Variants in TMEM143 observed in about 807,000 individuals in gnomAD.
TMEM143 encodes the protein transmembrane protein 143.
Under a neutral mutation model 40.3 loss-of-function variants are expected in TMEM143, and 45 were observed. The observed-to-expected ratio is 1.12, with a 90% CI of 0.88 to 1.43. The LOEUF is 1.43. Ranked by LOEUF, TMEM143 falls within the 40% of genes most tolerant of loss-of-function variation. TMEM143 has a pLI of 0.00. For missense variants in TMEM143, 620 were observed against 613.4 expected (o/e 1.01, Z -0.11); for synonymous variants, 299 against 282.7 (o/e 1.06, Z -0.58).
chr19:48,358,832 C>T (rs987235280), intron 3 of TMEM143, among the ~76,000 whole-genome samples: 1 of 152,186 alleles, frequency 6.6e-6, no homozygotes, highest in African/African-American at 2.4e-5. Flanking sequence ...CATCTCTCCT[C>T]AGCTCAGAGC....
chr19:48,343,779 T>C (rs564756793), intron 4 of TMEM143, among the ~76,000 whole-genome samples: 74 of 152,266 alleles, frequency 4.9e-4, no homozygotes, highest in African/African-American at 1.7e-3. Context: ...CACCTGTAAA[T>C]TACATCCCAA....
chr19:48,337,719 G>C (rs1969402793), intron 6 of TMEM143, among the ~76,000 whole-genome samples: 1 of 152,088 alleles, frequency 6.6e-6, no homozygotes, highest in Non-Finnish European at 1.5e-5. Context: ...GCGCACCCCA[G>C]AAAATCGCTG....
intron 3 of TMEM143, among the ~76,000 whole-genome samples, chr19:48,355,388 TG>T (rs1264759892): frequency 6.6e-6 from 1 of 152,118 alleles, no homozygotes; most frequent in Non-Finnish European, 1.5e-5. Context: ...AGGCCATAGG[TG>T]CCCTGTGGAA....
chr19:48,340,687 C>T (rs73047586), intron 6 of TMEM143, among the ~76,000 whole-genome samples: 35,849 of 152,004 alleles, frequency 0.24, 4,508 homozygotes, highest in Non-Finnish European at 0.29. Context: ...CCAGAGGCAC[C>T]GGGCCTCCCT....
At chr19:48,351,082 C>T (rs2147375963) in intron 3 of TMEM143, among the ~76,000 whole-genome samples, 1 of 152,194 alleles carries the variant, frequency 6.6e-6, no homozygotes, top group Non-Finnish European at 1.5e-5. Context: ...CTCGCTTGAG[C>T]TCCAGATTCA....
intron 2 of TMEM143, 138 bp downstream of exon 2, chr19:48,363,153 A>G: frequency 8.1e-7 from 1 of 1,229,288 alleles, no homozygotes; most frequent in Middle Eastern, 2.9e-4. Context: ...CCCGCCCACT[A>G]GGGAAACACG....
intron 2 of TMEM143, chr19:48,360,631 C>T (rs1970020333): frequency 6.3e-6 from 1 of 158,358 alleles, no homozygotes; most frequent in African/African-American, 2.5e-5. Context: ...ACCAATTTTA[C>T]TGAAACTGAG....
chr19:48,363,589 C>A, intron 1 of TMEM143, 58 bp from the exon 2 acceptor site: 1 of 1,538,578 alleles, frequency 6.5e-7, no homozygotes, highest in Non-Finnish European at 8.7e-7. Flanking sequence ...GCGCCCTCTC[C>A]ACCTCCACGT....
At chr19:48,337,500 T>C (rs1004937606) in intron 6 of TMEM143, among the ~76,000 whole-genome samples, 1 of 151,534 alleles carries the variant, frequency 6.6e-6, no homozygotes, top group African/African-American at 2.4e-5. Flanking sequence ...TGAGCTGAGG[T>C]TGCACCACTG....
chr19:48,334,466 C>CT (rs752231417), intron 6 of TMEM143, among the ~76,000 whole-genome samples: 1 of 44,844 alleles, frequency 2.2e-5, no homozygotes, highest in African/African-American at 7.1e-5. Flanking sequence ...TTCTTTCTTT[C>CT]TTTCTTTCTT....
chr19:48,356,314 G>C (rs770246140), intron 3 of TMEM143, among the ~76,000 whole-genome samples: 11 of 151,494 alleles, frequency 7.3e-5, no homozygotes, highest in Non-Finnish European at 1.5e-4. Context: ...TTTTAGTAGA[G>C]ACAGGGTTTC....
At chr19:48,348,839 C>A (rs925386034) in intron 3 of TMEM143, among the ~76,000 whole-genome samples, 2 of 152,168 alleles carry the variant, frequency 1.3e-5, no homozygotes, top group Non-Finnish European at 2.9e-5. Flanking sequence ...TGCAAGGCCT[C>A]ACAGGACCGT....
chr19:48,360,352 T>C (rs1970010939), intron 2 of TMEM143, 176 bp from the exon 3 acceptor site: 1 of 586,474 alleles, frequency 1.7e-6, no homozygotes, highest in Non-Finnish European at 3.0e-6. Context: ...GCCGAGGCAG[T>C]GGATCACTTG....
rs1197658307 is a variant in TMEM143 at position 48,332,471 on chromosome 19, T to C, written c.*748A>G. The stretch of plus-strand genomic sequence containing the variant: ...GAGATCCAGACCGAGGTAGTTTCTG[T>C]AGAAAGGGTGAAAGACCTGGGCGAG... On this transcript the variant is annotated 3_prime_UTR_variant, in exon 8 of 8. Transcript: ENST00000293261. The C allele has an allele frequency of 4.6e-5, 7 of 151,606 alleles. No individual in the cohort carries two copies. Among genetic ancestry groups the C allele is most frequent in the African/African-American group, 1.5e-4 (6 of 41,186 alleles). The allele number at this position is 151,606 out of a possible 1,614,324, so 9.4% of individuals were successfully genotyped here.
In TMEM143 at chr19:48,333,172, G is replaced by A. The variant is rs762561349; in HGVS notation, c.*47C>T. On this transcript the variant is annotated 3_prime_UTR_variant, in exon 8 of 8. Coordinates refer to ENST00000293261, the MANE Select transcript of TMEM143 (RefSeq NM_018273.4). The surrounding 1 kb of genome is among the most constrained non-coding windows in gnomAD (Gnocchi z 4.1). ...ATTGACAGCCTGTCGTGAAGGAGGC[G>A]GGGCTTAGTTCCTAGCCTGCTGACT... is the stretch of plus-strand genomic sequence containing the variant. 2 of 1,341,552 alleles carry A rather than the reference G, an allele frequency of 1.5e-6. No homozygotes were observed. Among genetic ancestry groups the A allele is most frequent in the East Asian group, 5.2e-5 (2 of 38,514 alleles). The allele number at this position is 1,341,552 out of a possible 1,614,324, so 83.1% of individuals were successfully genotyped here.
chr19:48,350,202 G>A (rs1037460623), intron 3 of TMEM143, among the ~76,000 whole-genome samples: 15 of 150,922 alleles, frequency 9.9e-5, no homozygotes, highest in Non-Finnish European at 2.2e-4. Flanking sequence ...TAGTAGAGAC[G>A]GGGTTTCACT....
rs759277535 is a variant in TMEM143 at position 48,333,342 on chromosome 19, C to A, written c.1257G>T (p.Ala419=). ...EVTFNGTRAL[A]HLQALTPSMG... ...TGCTGGGGGTCAGGGCCTGCAGATG[C>A]GCCAGGGCCCGAGTTCCGTTGAAGG... The change falls in exon 8 of 8, where the codon GCG becomes GCT. Residue 419 remains alanine (A), a synonymous_variant. Transcript: ENST00000293261. This position sits in a 1 kb window ranked among gnomAD's most constrained non-coding sequence, Gnocchi z 4.1. 1 of 1,609,854 alleles carries A rather than the reference C, an allele frequency of 6.2e-7. No homozygotes were observed.
rs1969330715 is a variant in TMEM143 at position 48,334,746 on chromosome 19, C to A, written c.976-549G>T. ...TAGCTGGGACTACAGGTGTGCGCCA[C>A]CAAGCCCGATATTTTTTGTAGAGAC... On this transcript the variant is annotated intron_variant, in intron 6 of 7. Coordinates refer to ENST00000293261, the MANE Select transcript of TMEM143 (RefSeq NM_018273.4). 3.9e-5 allele frequency among the ~76,000 whole-genome samples: 6 copies of A among 152,134 alleles called. 1 individual carries two copies. In the South Asian group the frequency reaches 1.2e-3, roughly 32 times the overall value.
chr19:48,353,804 G>A (rs1375206232), intron 3 of TMEM143, among the ~76,000 whole-genome samples: 1 of 151,570 alleles, frequency 6.6e-6, no homozygotes, highest in African/African-American at 2.4e-5. Flanking sequence ...ATAGGACACC[G>A]AGAAGGCAGC....
Sources: gnomAD v4.1 joint callset for allele counts (sites outside exome capture counted in the v4.1 genomes callset) on GRCh38, gnomAD v4.1.1 for gene constraint, Gnocchi (gnomAD v3.1) non-coding constraint, MANE v1.5 for transcripts, NCBI Gene and HGNC (gene_info 2026-07-23, HGNC 2026-07-21) for gene names.